Variants in CNBD1 observed in about 807,000 individuals in gnomAD.
The protein encoded by CNBD1 is cyclic nucleotide-binding domain-containing protein 1.
In CNBD1, 71 loss-of-function variants were observed where a neutral mutation model predicts 54.4. The observed-to-expected ratio is 1.30, with a 90% CI of 1.08 to 1.59. The LOEUF is 1.59. Ranked by LOEUF, CNBD1 falls within the 40% of genes most tolerant of loss-of-function variation. CNBD1 has a pLI of 0.00. For missense variants in CNBD1, 659 were observed against 518.0 expected, an observed-to-expected ratio of 1.27 and a Z score of -2.64; for synonymous variants, 182 against 170.7, an observed-to-expected ratio of 1.07 and a Z score of -0.51.
intron 4 of CNBD1, among the ~76,000 whole-genome samples, chr8:87,202,756 T>C (rs1813890041): frequency 6.6e-6 from 1 of 152,114 alleles, no homozygotes; most frequent in African/African-American, 2.4e-5. Flanking sequence ...GAAAGTGTTT[T>C]CAAGATCCTC....
At chr8:87,414,193 T>TA (rs1227681222) in intron 2 of CNBD1, among the ~76,000 whole-genome samples, 1 of 151,894 alleles carries the variant, frequency 6.6e-6, no homozygotes, top group Admixed American at 6.6e-5. Flanking sequence ...TATGCAGCCA[T>TA]AAAAAATGAA....
chr8:87,205,988 TTG>T lies in CNBD1; in HGVS notation c.432-4_432-3del. 1.4e-6 allele frequency: 2 copies of T among 1,475,374 alleles called. No homozygotes were observed. Among genetic ancestry groups the T allele is most frequent in the Non-Finnish European group, 1.8e-6 (2 of 1,116,400 alleles). The allele number at this position is 1,475,374 out of a possible 1,614,324, so 91.4% of individuals were successfully genotyped here. A position where few individuals can be genotyped will look rare whatever the true frequency, so the allele number is the denominator to read the frequency against. Reference sequence around the variant, plus strand: ...TCTGAATTTGTATTTTTTTTTTTTTTTGAGGCCCATTCACAGGACGCCATATG... The same window carrying T: ...TCTGAATTTGTATTTTTTTTTTTTTTAGGCCCATTCACAGGACGCCATATG... On this transcript the variant is annotated splice_polypyrimidine_tract_variant and splice_region_variant and intron_variant, in intron 4 of 10. Transcript: ENST00000518476.
chr8:87,344,050 G>A (rs1810120546), intron 8 of CNBD1, among the ~76,000 whole-genome samples: 1 of 152,052 alleles, frequency 6.6e-6, no homozygotes, highest in African/African-American at 2.4e-5. Flanking sequence ...AGAATGGTAT[G>A]TAGTTTGTAA....
intron 4 of CNBD1, among the ~76,000 whole-genome samples, chr8:87,040,741 A>G (rs534264214): frequency 6.6e-6 from 1 of 151,694 alleles, no homozygotes; most frequent in Non-Finnish European, 1.5e-5. Flanking sequence ...AATTCTTAAC[A>G]TGAAATTTTC....
chr8:86,916,574 G>A (rs1299340791), intron 3 of CNBD1, among the ~76,000 whole-genome samples: 1 of 152,078 alleles, frequency 6.6e-6, no homozygotes, highest in Non-Finnish European at 1.5e-5. Context: ...ACCTCATTAT[G>A]TGTACGTGTA....
At chr8:87,145,726 T>C (rs1300407740) in intron 4 of CNBD1, among the ~76,000 whole-genome samples, 1 of 152,152 alleles carries the variant, frequency 6.6e-6, no homozygotes, top group African/African-American at 2.4e-5. Context: ...AATATTAACA[T>C]ATCTGCAACA....
At chr8:86,937,688 T>A (rs1256899632) in intron 3 of CNBD1, among the ~76,000 whole-genome samples, 4 of 152,104 alleles carry the variant, frequency 2.6e-5, no homozygotes, top group Admixed American at 2.6e-4. Context: ...CACCAAGTCC[T>A]GAGACTGCAC....
At chr8:87,379,325 G>A (rs1027256941) in intron 10 of CNBD1, among the ~76,000 whole-genome samples, 4 of 151,814 alleles carry the variant, frequency 2.6e-5, no homozygotes, top group East Asian at 1.9e-4. Context: ...AGATCAACGA[G>A]ACAGAAAGTC....
intron 6 of CNBD1, among the ~76,000 whole-genome samples, chr8:87,258,847 T>C (rs1563527296): frequency 1.3e-5 from 2 of 152,226 alleles, no homozygotes; most frequent in Non-Finnish European, 1.5e-5. Flanking sequence ...TCCAATTTAC[T>C]GAAAAACAAA....
intron 2 of CNBD1, among the ~76,000 whole-genome samples, chr8:87,395,724 A>G (rs1405264938): frequency 1.3e-5 from 2 of 151,812 alleles, no homozygotes; most frequent in Admixed American, 6.6e-5. Flanking sequence ...ATGATATGGT[A>G]TGGCTGTATC....
rs925965250 is a variant in CNBD1 at position 87,072,013 on chromosome 8, A to G, written c.431+132259A>G. Among the ~76,000 whole-genome samples the G allele has an allele frequency of 2.8e-4, 43 of 152,228 alleles. 1 individual carries two copies. Among genetic ancestry groups the G allele is most frequent in the African/African-American group, 1.0e-3 (42 of 41,536 alleles). On this transcript the variant is annotated intron_variant, in intron 4 of 10. Transcript: ENST00000518476. ...GTGCTCCTGTGTTGGGGGCATATAT[A>G]TTTAGGACACTTAGTTCTTATTGTT...
chr8:86,867,897 C>G (rs1332141488), intron 1 of CNBD1, among the ~76,000 whole-genome samples: 5 of 152,104 alleles, frequency 3.3e-5, no homozygotes, highest in Admixed American at 3.3e-4. Context: ...AAATCAGCAG[C>G]AATTTAGATC....
chr8:87,269,312 T>G (rs1808319548), intron 6 of CNBD1, among the ~76,000 whole-genome samples: 1 of 152,154 alleles, frequency 6.6e-6, no homozygotes, highest in Admixed American at 6.6e-5. Context: ...TATGCTGTTT[T>G]GGTTACTATA....
At chr8:87,123,566 G>T (rs1249218116) in intron 4 of CNBD1, among the ~76,000 whole-genome samples, 2 of 151,378 alleles carry the variant, frequency 1.3e-5, no homozygotes, top group Non-Finnish European at 3.0e-5. Context: ...TATCAAAAAA[G>T]AAAGATCTCA....
intron 4 of CNBD1, among the ~76,000 whole-genome samples, chr8:87,076,099 G>T (rs1339886233): frequency 6.6e-6 from 1 of 152,182 alleles, no homozygotes; most frequent in Non-Finnish European, 1.5e-5. Flanking sequence ...GATGGGATAA[G>T]AGTGAGGAAG....
At chr8:86,990,013 A>C (rs1308689065) in intron 4 of CNBD1, among the ~76,000 whole-genome samples, 1 of 152,194 alleles carries the variant, frequency 6.6e-6, no homozygotes, top group Non-Finnish European at 1.5e-5. Flanking sequence ...ATAAATGTCT[A>C]ATCCGATCTT....
rs556094693 is a variant in CNBD1, at chr8:87,170,061, T to C, written c.432-35932T>C. On this transcript the variant is annotated intron_variant, in intron 4 of 10. Transcript: ENST00000518476. ...TAATCCAACATGGAATATATTTCAA[T>C]TTTTTGGCCTCTTAAATTTCTTTTA... Among the ~76,000 whole-genome samples, 8 of 152,270 alleles carry C rather than the reference T, an allele frequency of 5.3e-5. No homozygotes were observed. In the East Asian group the frequency reaches 1.5e-3, roughly 29 times the overall value.
At chr8:87,031,957 T>G (rs976371219) in intron 4 of CNBD1, among the ~76,000 whole-genome samples, 29 of 152,090 alleles carry the variant, frequency 1.9e-4, no homozygotes, top group Non-Finnish European at 4.3e-4. Context: ...GCCAGGCTGG[T>G]CTTGAACTTC....
intron 4 of CNBD1, among the ~76,000 whole-genome samples, chr8:87,149,721 T>C (rs560255556): frequency 6.6e-6 from 1 of 152,120 alleles, no homozygotes; most frequent in Admixed American, 6.6e-5. Flanking sequence ...AGGGATATGA[T>C]GTGTCTTTCT....
Sources: gnomAD v4.1 joint callset for allele counts (sites outside exome capture counted in the v4.1 genomes callset) on GRCh38, gnomAD v4.1.1 for gene constraint, MANE v1.5 for transcripts, NCBI Gene and HGNC (gene_info 2026-07-23, HGNC 2026-07-21) for gene names.